TTC39A: variants seen among roughly 807,000 people sequenced by gnomAD.
TTC39A encodes tetratricopeptide repeat protein 39A.
In TTC39A, 46 loss-of-function variants were observed where a neutral mutation model predicts 82.3. The ratio of observed to expected loss-of-function variants is 0.56; its 90% CI spans 0.44 to 0.71. The LOEUF (loss-of-function observed/expected upper bound fraction) is 0.71. Among genes scored for constraint, TTC39A ranks in the 30% least tolerant of loss-of-function variants. TTC39A has a pLI of 0.00. For missense variants in TTC39A, 543 were observed against 712.9 expected (o/e 0.76, Z 2.71); for synonymous variants, 254 against 275.2 (o/e 0.92, Z 0.76).
chr1:51,335,733 G>A (rs894337030), upstream of TTC39A, among the ~76,000 whole-genome samples: 2 of 152,166 alleles, frequency 1.3e-5, no homozygotes, highest in Admixed American at 1.3e-4. Context: ...TATTCTCTAG[G>A]GAAAGGGGGA....
chr1:51,319,417 C>T (rs1287551639), intron 2 of TTC39A, among the ~76,000 whole-genome samples: 1 of 152,160 alleles, frequency 6.6e-6, no homozygotes, highest in Non-Finnish European at 1.5e-5. Context: ...GAAAGGGAAA[C>T]AAGACGGAAC....
intron 1 of TTC39A, among the ~76,000 whole-genome samples, chr1:51,325,125 A>G (rs1193186180): frequency 2.0e-5 from 3 of 151,980 alleles, no homozygotes; most frequent in African/African-American, 7.2e-5. Context: ...GTGGTGGCAT[A>G]TGCCTGTAAT....
At chr1:51,313,080 G>A (rs1205441764) in intron 2 of TTC39A, 137 bp from the exon 3 acceptor site, 3 of 1,219,288 alleles carry the variant, frequency 2.5e-6, no homozygotes, top group Non-Finnish European at 2.3e-6. Context: ...GGAGGGCCTT[G>A]GCCAGGTCTA....
At chr1:51,296,229 T>C (rs1644418908) in intron 12 of TTC39A, 59 bp from the exon 13 acceptor site, 2 of 1,523,576 alleles carry the variant, frequency 1.3e-6, no homozygotes, top group Non-Finnish European at 1.8e-6. Context: ...CCAGCCGGGC[T>C]GGAATCTGCA....
intron 2 of TTC39A, among the ~76,000 whole-genome samples, chr1:51,313,848 AT>A (rs1337350913): frequency 6.6e-6 from 1 of 152,116 alleles, no homozygotes; most frequent in South Asian, 2.1e-4. Context: ...AGTAATAATA[AT>A]TTTTTTAAAA....
chr1:51,345,025 A>T (rs1443352218), exon 1 of TTC39A: 12 of 1,518,810 alleles, frequency 7.9e-6, no homozygotes, highest in Non-Finnish European at 1.1e-5. Context: ...GCCTCCTTCC[A>T]GGTGGTCAGA....
intron 14 of TTC39A, among the ~76,000 whole-genome samples, chr1:51,293,224 C>T (rs892957354): frequency 9.9e-5 from 15 of 152,090 alleles, no homozygotes; most frequent in Non-Finnish European, 2.2e-4. Flanking sequence ...TGCGCCACCA[C>T]GCCCGGCTAA....
At chr1:51,300,831 A>G (rs189859333) in intron 12 of TTC39A, 1 of 152,020 alleles carries the variant, frequency 6.6e-6, no homozygotes, top group Admixed American at 6.5e-5. Flanking sequence ...GAATCTTCCC[A>G]CCCCTCTGTT....
intron 6 of TTC39A, among the ~76,000 whole-genome samples, chr1:51,307,734 CAAA>C (rs1216098958): frequency 2.0e-4 from 15 of 75,318 alleles, no homozygotes; most frequent in African/African-American, 2.6e-4. Context: ...GACTCTGTCT[CAAA>C]AAAAAAAAAA....
Position 51,288,312 on chromosome 1 carries a change from G to T in TTC39A, c.1611-32C>A, listed in dbSNP as rs1017209824. The T allele has an allele frequency of 1.2e-6, 2 of 1,613,384 alleles. No individual in the cohort carries two copies. Among genetic ancestry groups the T allele is most frequent in the African/African-American group, 1.3e-5 (1 of 74,908 alleles). On this transcript the variant is annotated intron_variant, in intron 17 of 17. Transcript: ENST00000680483. The surrounding 1 kb of genome is among the most constrained non-coding windows in gnomAD (Gnocchi z 4.8). ...TTGAGCAGCGAATCAGACACATGAG[G>T]CTGCCTGCTCCCAGAGATGCTTTTC...
intron 2 of TTC39A, among the ~76,000 whole-genome samples, chr1:51,316,353 C>A (rs994664483): frequency 6.6e-6 from 1 of 152,174 alleles, no homozygotes; most frequent in African/African-American, 2.4e-5. Context: ...TCCTGACCTG[C>A]CCATACTGGC....
intron 6 of TTC39A, among the ~76,000 whole-genome samples, chr1:51,307,752 A>AG (rs1419204114): frequency 6.6e-6 from 1 of 151,844 alleles, no homozygotes; most frequent in Non-Finnish European, 1.5e-5. Flanking sequence ...AAAAAAAAAA[A>AG]AAGACTTTTT....
intron 1 of TTC39A, chr1:51,344,901 C>T: frequency 2.7e-6 from 4 of 1,470,890 alleles, no homozygotes; most frequent in Non-Finnish European, 3.6e-6. Flanking sequence ...AGCTGTGCCT[C>T]TCAGCTGTTT....
intron 5 of TTC39A, among the ~76,000 whole-genome samples, chr1:51,310,989 G>A (rs1645060000): frequency 2.0e-5 from 3 of 152,240 alleles, no homozygotes; most frequent in South Asian, 4.1e-4. Flanking sequence ...ACCCTTAACA[G>A]GAAATGCAGC....
At chr1:51,308,369 A>C (rs1644954419) in intron 6 of TTC39A, among the ~76,000 whole-genome samples, 1 of 151,776 alleles carries the variant, frequency 6.6e-6, no homozygotes, top group Non-Finnish European at 1.5e-5. Context: ...CCTCCCAAGT[A>C]GCTGGGATTA....
chr1:51,318,725 A>G (rs1185446993), intron 2 of TTC39A, among the ~76,000 whole-genome samples: 3 of 152,160 alleles, frequency 2.0e-5, no homozygotes, highest in Non-Finnish European at 4.4e-5. Flanking sequence ...TAGTCTCCCA[A>G]TTCAGGCCGC....
chr1:51,310,867 C>T (rs1645055615), intron 5 of TTC39A, among the ~76,000 whole-genome samples: 1 of 152,220 alleles, frequency 6.6e-6, no homozygotes, highest in Non-Finnish European at 1.5e-5. Flanking sequence ...TATGTAAAAA[C>T]TACATACCTA....
chr1:51,345,015 G>T (rs578133953), exon 1 of TTC39A: 31 of 1,521,164 alleles, frequency 2.0e-5, no homozygotes, highest in Non-Finnish European at 2.6e-5. Context: ...CCCGGAGGCC[G>T]CCTCCTTCCA....
At chr1:51,343,362 C>T (rs1051041546) in intron 1 of TTC39A, among the ~76,000 whole-genome samples, 15 of 152,204 alleles carry the variant, frequency 9.9e-5, no homozygotes, top group Admixed American at 5.9e-4. Flanking sequence ...CCTCCAGTGG[C>T]TTCCCACCAC....
Sources: gnomAD v4.1 joint callset for allele counts (sites outside exome capture counted in the v4.1 genomes callset) on GRCh38, gnomAD v4.1.1 for gene constraint, Gnocchi (gnomAD v3.1) non-coding constraint, MANE v1.5 for transcripts, NCBI Gene and HGNC (gene_info 2026-07-23, HGNC 2026-07-21) for gene names.